DSCAML1: variants seen among roughly 807,000 people sequenced by gnomAD.
DSCAML1 encodes DS cell adhesion molecule like 1.
DSCAML1 carries 38 observed loss-of-function variants against 200.5 expected under a neutral mutation model. The observed-to-expected ratio is 0.19, with a 90% CI of 0.15 to 0.25. DSCAML1 has a LOEUF of 0.25. Among genes scored for constraint, DSCAML1 ranks in the 10% least tolerant of loss-of-function variants. The probability of loss-of-function intolerance (pLI) is 1.00; values close to 1 mark genes in which losing one functional copy is unlikely to be tolerated. For synonymous variants in DSCAML1, 1,215 were observed against 1,165.0 expected, an observed-to-expected ratio of 1.04 and a Z score of -0.87; for missense variants, 2,223 against 2,858.8, an observed-to-expected ratio of 0.78 and a Z score of 5.07.
chr11:117,607,277 A>C (rs1195954421), intron 3 of DSCAML1, among the ~76,000 whole-genome samples: 1 of 152,266 alleles, frequency 6.6e-6, no homozygotes, highest in African/African-American at 2.4e-5. Flanking sequence ...GCTTGACAGG[A>C]AGCGGGAGGA....
At position 117,435,833 on chromosome 11, in the gene DSCAML1, C is replaced by T. The variant is rs371616633; in HGVS notation, c.4721-34G>A. On this transcript the variant is annotated intron_variant, in intron 26 of 32. Coordinates refer to ENST00000651296, the MANE Select transcript of DSCAML1 (RefSeq NM_020693.4). ...GGGCAAAGAATAGAATTAGATGTCC[C>T]TTATGAGCCAGGTGCTGTGCAGAAC... The T allele has an allele frequency of 2.5e-5, 39 of 1,584,024 alleles. No homozygotes were observed. The African/African-American group carries it at 5.0e-4, about 20-fold the overall frequency.
intron 11 of DSCAML1, among the ~76,000 whole-genome samples, chr11:117,490,027 G>C (rs2033890441): frequency 6.6e-6 from 1 of 152,198 alleles, no homozygotes; most frequent in Admixed American, 6.5e-5. Flanking sequence ...TGGGGCTCAG[G>C]AAGCTGCCTT....
At chr11:117,725,417 A>G (rs2054108910) in intron 3 of DSCAML1, among the ~76,000 whole-genome samples, 1 of 152,200 alleles carries the variant, frequency 6.6e-6, no homozygotes, top group Non-Finnish European at 1.5e-5. Context: ...AGGGAGCTTC[A>G]ACTTCTGCCC....
chr11:117,622,693 G>C (rs2051957697), intron 3 of DSCAML1, among the ~76,000 whole-genome samples: 1 of 152,072 alleles, frequency 6.6e-6, no homozygotes, highest in African/African-American at 2.4e-5. Flanking sequence ...GGGATGACGG[G>C]AGCCAAAGAC....
chr11:117,716,861 C>T (rs767750531), intron 3 of DSCAML1, among the ~76,000 whole-genome samples: 36 of 152,186 alleles, frequency 2.4e-4, no homozygotes, highest in Admixed American at 5.9e-4. Flanking sequence ...TGCGCTGCCA[C>T]GGCAGAGCTG....
chr11:117,598,041 T>G (rs1255730352), intron 3 of DSCAML1, among the ~76,000 whole-genome samples: 1 of 152,054 alleles, frequency 6.6e-6, no homozygotes, highest in Non-Finnish European at 1.5e-5. Context: ...GAAGTAAATA[T>G]TTATTGGTCA....
intron 1 of DSCAML1, among the ~76,000 whole-genome samples, chr11:117,809,448 C>T (rs2134088816): frequency 6.6e-6 from 1 of 152,356 alleles, no homozygotes; most frequent in South Asian, 2.1e-4. Context: ...GAAGGAAGCT[C>T]CAGGCCTCCG....
At chr11:117,806,290 CAG>C (rs999026641) in intron 1 of DSCAML1, among the ~76,000 whole-genome samples, 2 of 152,142 alleles carry the variant, frequency 1.3e-5, no homozygotes, top group Admixed American at 1.3e-4. Flanking sequence ...GAAGGATATG[CAG>C]AGAGGCAGGG....
chr11:117,678,538 G>C (rs975932483), intron 3 of DSCAML1, among the ~76,000 whole-genome samples: 5 of 152,254 alleles, frequency 3.3e-5, no homozygotes, highest in African/African-American at 1.2e-4. Context: ...AAGGGGCGTT[G>C]AGCAGGGAAG....
chr11:117,630,658 C>CAAAAAAAA (rs56741831), intron 3 of DSCAML1, among the ~76,000 whole-genome samples: 5 of 45,590 alleles, frequency 1.1e-4, no homozygotes, highest in African/African-American at 3.1e-4. Flanking sequence ...ATAAAGTGGC[C>CAAAAAAAA]AAAAAAAAAA....
chr11:117,438,778 C>T, intron 24 of DSCAML1, 107 bp downstream of exon 24: 1 of 1,043,982 alleles, frequency 9.6e-7, no homozygotes, highest in Non-Finnish European at 1.3e-6. Context: ...GCCCCCAGAT[C>T]GTTTCTGTCA....
chr11:117,624,564 C>T (rs1375027343), intron 3 of DSCAML1, among the ~76,000 whole-genome samples: 1 of 152,004 alleles, frequency 6.6e-6, no homozygotes, highest in Non-Finnish European at 1.5e-5. Flanking sequence ...TGAGATAGTC[C>T]TTTATTATGA....
intron 3 of DSCAML1, among the ~76,000 whole-genome samples, chr11:117,707,666 T>G (rs1197826225): frequency 3.3e-5 from 5 of 152,180 alleles, no homozygotes; most frequent in African/African-American, 4.8e-5. Flanking sequence ...CCCGAGTAGC[T>G]GGGACTACAG....
At chr11:117,571,359 C>T (rs1021178364) in intron 3 of DSCAML1, among the ~76,000 whole-genome samples, 2 of 152,196 alleles carry the variant, frequency 1.3e-5, no homozygotes, top group African/African-American at 4.8e-5. Flanking sequence ...CAGAGGAGGA[C>T]ACTGCAGTGC....
chr11:117,488,218 G>A (rs1052496545), intron 11 of DSCAML1, among the ~76,000 whole-genome samples: 2 of 152,180 alleles, frequency 1.3e-5, no homozygotes, highest in Admixed American at 6.5e-5. Flanking sequence ...GTCCTCCTGT[G>A]CCCACAAATA....
chr11:117,471,228 G>GT (rs1385397951), intron 15 of DSCAML1, among the ~76,000 whole-genome samples: 1 of 151,684 alleles, frequency 6.6e-6, no homozygotes, highest in East Asian at 1.9e-4. Flanking sequence ...CTGGAGTGCA[G>GT]TGGTGCGATC....
rs1429630445 is a variant in DSCAML1, at chr11:117,566,782, T to C, written c.512-34260A>G. On this transcript the variant is annotated intron_variant, in intron 3 of 32. Transcript: ENST00000651296. ...TGTGATGTTCCCCTTCCTGTGTCCA[T>C]GTGTTTTCATTGTTCAATTCCCACC... Among the ~76,000 whole-genome samples, 5 of 145,586 alleles carry C rather than the reference T, an allele frequency of 3.4e-5. No homozygotes were observed. The South Asian group carries it at 6.9e-4, about 20-fold the overall frequency.
intron 6 of DSCAML1, among the ~76,000 whole-genome samples, chr11:117,519,580 G>A (rs1026410520): frequency 6.6e-6 from 1 of 152,200 alleles, no homozygotes; most frequent in African/African-American, 2.4e-5. Flanking sequence ...AGCACTCTGG[G>A]AGGCTGAGAT....
chr11:117,483,561 C>A (rs2048973918), intron 11 of DSCAML1, among the ~76,000 whole-genome samples: 1 of 152,168 alleles, frequency 6.6e-6, no homozygotes, highest in African/African-American at 2.4e-5. Flanking sequence ...GTGGTGAGAA[C>A]AGACAAGACT....
Sources: allele counts gnomAD v4.1 joint callset (sites outside exome capture counted in the v4.1 genomes callset), GRCh38; gene constraint gnomAD v4.1.1; transcripts MANE v1.5; gene names NCBI Gene and HGNC (gene_info 2026-07-23, HGNC 2026-07-21).